PPP1R9A: variants seen among roughly 807,000 people sequenced by gnomAD.
PPP1R9A encodes neurabin-1.
PPP1R9A carries 59 observed loss-of-function variants against 141.9 expected under a neutral mutation model. That is an observed-to-expected ratio of 0.42 (90% confidence interval 0.34 to 0.52). The LOEUF (loss-of-function observed/expected upper bound fraction) is 0.52. PPP1R9A is among the 20% of genes least tolerant of loss of function. The pLI is 0.10. For missense variants in PPP1R9A, 1,444 were observed against 1,611.9 expected (o/e 0.90, Z 1.78); for synonymous variants, 500 against 569.7 (o/e 0.88, Z 1.74).
intron 2 of PPP1R9A, among the ~76,000 whole-genome samples, chr7:95,017,034 T>C (rs916140767): frequency 6.6e-6 from 1 of 152,110 alleles, no homozygotes; most frequent in Non-Finnish European, 1.5e-5. Flanking sequence ...CATATGAAGA[T>C]GGAGACAGAT....
chr7:95,044,547 AT>A (rs113379313), intron 2 of PPP1R9A, among the ~76,000 whole-genome samples: 58,459 of 131,992 alleles, frequency 0.44, 12,640 homozygotes, highest in African/African-American at 0.5. Flanking sequence ...TTTTTTCAGG[AT>A]TTTTTTTTTT....
At chr7:95,134,372 G>C (rs568986677) in intron 4 of PPP1R9A, among the ~76,000 whole-genome samples, 1 of 152,236 alleles carries the variant, frequency 6.6e-6, no homozygotes, top group South Asian at 2.1e-4. Flanking sequence ...AATGCATGCT[G>C]GGCTTAAAAC....
chr7:95,127,384 T>C (rs1823742611), intron 4 of PPP1R9A, among the ~76,000 whole-genome samples: 1 of 152,144 alleles, frequency 6.6e-6, no homozygotes, highest in South Asian at 2.1e-4. Flanking sequence ...AGGATTCCTC[T>C]TTTTCACATT....
At chr7:95,261,975 A>G (rs879234421) in intron 12 of PPP1R9A, among the ~76,000 whole-genome samples, 3 of 152,142 alleles carry the variant, frequency 2.0e-5, no homozygotes, top group African/African-American at 7.2e-5. Flanking sequence ...CAGGTAACTG[A>G]GTTTACTTTC....
At chr7:94,961,972 A>G (rs1460799062) in intron 2 of PPP1R9A, among the ~76,000 whole-genome samples, 4 of 151,902 alleles carry the variant, frequency 2.6e-5, no homozygotes, top group Non-Finnish European at 5.9e-5. Flanking sequence ...TATTGAATCT[A>G]CTTTTTGAAT....
intron 2 of PPP1R9A, among the ~76,000 whole-genome samples, chr7:95,017,590 G>A (rs1157855023): frequency 1.3e-5 from 2 of 152,084 alleles, no homozygotes; most frequent in Non-Finnish European, 2.9e-5. Flanking sequence ...GAATAGGAGG[G>A]TAGAAACTGA....
intron 2 of PPP1R9A, among the ~76,000 whole-genome samples, chr7:94,982,256 G>A (rs1584100002): frequency 2.0e-5 from 3 of 151,614 alleles, no homozygotes; most frequent in Admixed American, 2.0e-4. Flanking sequence ...CCAAGTCTTT[G>A]CTATTGTGAA....
chr7:95,002,887 A>G (rs1301480629), intron 2 of PPP1R9A, among the ~76,000 whole-genome samples: 1 of 152,136 alleles, frequency 6.6e-6, no homozygotes, highest in Non-Finnish European at 1.5e-5. Flanking sequence ...AGCTATGACT[A>G]TAAAAGGGAG....
intron 2 of PPP1R9A, among the ~76,000 whole-genome samples, chr7:94,938,919 A>G (rs1221387220): frequency 1.3e-5 from 2 of 152,166 alleles, no homozygotes; most frequent in African/African-American, 4.8e-5. Flanking sequence ...CGTGATGTGG[A>G]TACGCTATTC....
intron 2 of PPP1R9A, among the ~76,000 whole-genome samples, chr7:95,074,408 A>G (rs2152215812): frequency 6.6e-6 from 1 of 151,650 alleles, no homozygotes; most frequent in Admixed American, 6.6e-5. Context: ...AAGTAAATAT[A>G]TAGGATGAAG....
At chr7:95,252,507 A>C (rs1318013257) in intron 12 of PPP1R9A, among the ~76,000 whole-genome samples, 2 of 129,626 alleles carry the variant, frequency 1.5e-5, no homozygotes, top group East Asian at 2.2e-4. Flanking sequence ...TCACTCTGTC[A>C]TCCAGGCTGG....
At chr7:95,272,877 A>G (rs1802426166) in intron 14 of PPP1R9A, among the ~76,000 whole-genome samples, 1 of 152,246 alleles carries the variant, frequency 6.6e-6, no homozygotes, top group Non-Finnish European at 1.5e-5. Flanking sequence ...GATAAGAGAC[A>G]GAAAAACAGA....
intron 5 of PPP1R9A, among the ~76,000 whole-genome samples, chr7:95,184,845 C>T (rs1834387644): frequency 6.6e-6 from 1 of 150,776 alleles, no homozygotes; most frequent in African/African-American, 2.4e-5. Flanking sequence ...TATATATGTA[C>T]CAGCTTTTCT....
At chr7:95,149,016 G>C (rs963584386) in intron 4 of PPP1R9A, among the ~76,000 whole-genome samples, 1 of 149,656 alleles carries the variant, frequency 6.7e-6, no homozygotes. Context: ...TTAACAAATC[G>C]AGTCCAACAA....
At position 95,247,468 on chromosome 7, in the gene PPP1R9A, T is replaced by C. The variant is rs1798267778; in HGVS notation, c.2113-5T>C. ...TCAGATTTTTTCTTTCTTTTCAATT[T>C]TCAGTTGCAAATCAAACATGCAGTT... On this transcript the variant is annotated splice_region_variant and splice_polypyrimidine_tract_variant and intron_variant, in intron 8 of 19. Transcript: ENST00000433360. The C allele has an allele frequency of 6.2e-7, 1 of 1,604,032 alleles. No homozygotes were observed. Among genetic ancestry groups the C allele is most frequent in the East Asian group, 2.2e-5 (1 of 44,696 alleles).
chr7:95,058,781 C>A (rs1811824720), intron 2 of PPP1R9A, among the ~76,000 whole-genome samples: 1 of 151,256 alleles, frequency 6.6e-6, no homozygotes, highest in African/African-American at 2.4e-5. Flanking sequence ...CTTTAGTTTT[C>A]TTTTCTTTTC....
At chr7:95,062,142 T>C (rs1812323483) in intron 2 of PPP1R9A, among the ~76,000 whole-genome samples, 1 of 152,164 alleles carries the variant, frequency 6.6e-6, no homozygotes, top group Non-Finnish European at 1.5e-5. Context: ...GCAGGGTGCT[T>C]GCAGTCAGGA....
intron 2 of PPP1R9A, among the ~76,000 whole-genome samples, chr7:95,064,601 C>T (rs560649517): frequency 6.6e-5 from 10 of 152,276 alleles, no homozygotes; most frequent in Non-Finnish European, 1.3e-4. Flanking sequence ...GGGAACGTGC[C>T]CATTGGGCAA....
intron 4 of PPP1R9A, among the ~76,000 whole-genome samples, chr7:95,151,713 G>A (rs576942013): frequency 2.4e-4 from 37 of 151,650 alleles, no homozygotes; most frequent in African/African-American, 8.2e-4. Flanking sequence ...GGGTTGATGG[G>A]GGGAGACTGT....
Sources: allele counts gnomAD v4.1 joint callset (sites outside exome capture counted in the v4.1 genomes callset), GRCh38; gene constraint gnomAD v4.1.1; transcripts MANE v1.5; gene names NCBI Gene and HGNC (gene_info 2026-07-23, HGNC 2026-07-21).